DAP: variants seen among roughly 807,000 people sequenced by gnomAD.
DAP encodes the protein death associated protein.
In DAP, 8 loss-of-function variants were observed where a neutral mutation model predicts 13.8. That is an observed-to-expected ratio of 0.58 (90% CI 0.34 to 1.05). The LOEUF (loss-of-function observed/expected upper bound fraction) is 1.05, where lower values mean the gene tolerates loss of function less well. Among genes scored for constraint, DAP ranks in the 50% least tolerant of loss-of-function variants. The pLI is 0.03. For synonymous variants in DAP, 47 were observed against 47.5 expected (o/e 0.99, Z 0.04); for missense variants, 106 against 133.2 (o/e 0.80, Z 1.01).
Position 10,707,649 on chromosome 5 carries a change from G to A in DAP, c.153-24078C>T, listed in dbSNP as rs114757411. Among the ~76,000 whole-genome samples, 1,961 of 152,228 alleles carry A rather than the reference G, an allele frequency of 0.013. 43 individuals are homozygous for A. Among genetic ancestry groups the A allele is most frequent in the African/African-American group, 0.044 (1,818 of 41,518 alleles). ...GTGATGTACAGGTGGTGTGATGCAC[G>A]GGTGGTGTGATTTGCGATCAGTGTG... On this transcript the variant is annotated intron_variant, in intron 2 of 3. Transcript: ENST00000230895. This position sits in a 1 kb window ranked among gnomAD's most constrained non-coding sequence, Gnocchi z 4.0.
intron 2 of DAP, among the ~76,000 whole-genome samples, chr5:10,687,507 TCACTGGAGGAAC>T (rs1738185484): frequency 2.0e-5 from 3 of 151,812 alleles, no homozygotes; most frequent in African/African-American, 7.3e-5. Flanking sequence ...GTTCAAGACT[TCACTGGAGGAAC>T]TAACTGCAGA....
chr5:10,687,088 C>G (rs115565596), intron 2 of DAP, among the ~76,000 whole-genome samples: 1 of 152,162 alleles, frequency 6.6e-6, no homozygotes, highest in Non-Finnish European at 1.5e-5. Flanking sequence ...GCCTGGATGA[C>G]GGCACATTGG....
At position 10,699,486 on chromosome 5, in the gene DAP, T is replaced by A. The variant is rs139474671; in HGVS notation, c.153-15915A>T. 2.6e-4 allele frequency among the ~76,000 whole-genome samples: 39 copies of A among 152,304 alleles called. 1 individual carries two copies. The highest frequency in any genetic ancestry group is 8.4e-4 in the African/African-American group (35 of 41,572). On this transcript the variant is annotated intron_variant, in intron 2 of 3. Transcript: ENST00000230895. Reference sequence around the variant, plus strand: ...GCAAGAGGCCAACAGGCCACACCTGTGAGGTTTACCAGAAGCTAATGCGAA... The same window carrying A: ...GCAAGAGGCCAACAGGCCACACCTGAGAGGTTTACCAGAAGCTAATGCGAA...
intron 2 of DAP, among the ~76,000 whole-genome samples, chr5:10,687,561 G>C (rs1243947252): frequency 6.6e-6 from 1 of 152,202 alleles, no homozygotes; most frequent in Admixed American, 6.5e-5. Flanking sequence ...ACTAGGATTA[G>C]AAGTGGAGCC....
intron 1 of DAP, among the ~76,000 whole-genome samples, chr5:10,758,459 A>G (rs1277580877): frequency 6.6e-6 from 1 of 151,150 alleles, no homozygotes; most frequent in Non-Finnish European, 1.5e-5. Context: ...GGGTGCTGCT[A>G]TTGGGCCCCT....
intron 2 of DAP, among the ~76,000 whole-genome samples, chr5:10,736,395 C>T (rs965082499): frequency 1.3e-5 from 2 of 152,154 alleles, no homozygotes; most frequent in Non-Finnish European, 2.9e-5. Flanking sequence ...AATGGCAGAT[C>T]TCGAAGCTGC....
At chr5:10,703,443 T>C (rs1423404943) in intron 2 of DAP, among the ~76,000 whole-genome samples, 1 of 152,186 alleles carries the variant, frequency 6.6e-6, no homozygotes, top group African/African-American at 2.4e-5. Context: ...GGCAGGTCTT[T>C]GCTGCGCATC....
At chr5:10,735,600 T>C (rs1739588703) in intron 2 of DAP, among the ~76,000 whole-genome samples, 1 of 152,230 alleles carries the variant, frequency 6.6e-6, no homozygotes, top group Admixed American at 6.5e-5. Context: ...ATGCTGGGGA[T>C]GCATGCAGAA....
intron 2 of DAP, among the ~76,000 whole-genome samples, chr5:10,690,780 T>C (rs1046621542): frequency 1.3e-5 from 2 of 152,210 alleles, no homozygotes; most frequent in African/African-American, 4.8e-5. Context: ...CTACTTTCAA[T>C]TATTTTGTGT....
Position 10,707,688 on chromosome 5 carries a change from G to A in DAP, c.153-24117C>T, listed in dbSNP as rs541215082. Among the ~76,000 whole-genome samples, 2 of 152,242 alleles carry A rather than the reference G, an allele frequency of 1.3e-5. No homozygotes were observed. Among genetic ancestry groups the A allele is most frequent in the African/African-American group, 4.8e-5 (2 of 41,528 alleles). On this transcript the variant is annotated intron_variant, in intron 2 of 3. Transcript: ENST00000230895. This position sits in a 1 kb window ranked among gnomAD's most constrained non-coding sequence, Gnocchi z 4.0. ...GCGATCAGTGTGGTGCACAGGCGGC[G>A]TGATGTACAGGTGGTGTGATGCATG...
chr5:10,731,749 C>T (rs1007638901), intron 2 of DAP, among the ~76,000 whole-genome samples: 1 of 152,172 alleles, frequency 6.6e-6, no homozygotes, highest in Non-Finnish European at 1.5e-5. Flanking sequence ...GGGCTTCTGG[C>T]GAAGCTTTAC....
At chr5:10,734,971 G>A (rs1377289682) in intron 2 of DAP, among the ~76,000 whole-genome samples, 10 of 152,140 alleles carry the variant, frequency 6.6e-5, no homozygotes, top group Admixed American at 5.9e-4. Context: ...CAGGGAAGCC[G>A]TGGGGCCGCC....
intron 2 of DAP, among the ~76,000 whole-genome samples, chr5:10,718,729 T>A (rs1397462037): frequency 1.3e-5 from 2 of 152,244 alleles, no homozygotes; most frequent in African/African-American, 4.8e-5. Flanking sequence ...TCCTGGTACC[T>A]GGTATGCAGC....
Position 10,683,581 on chromosome 5 carries a change from A to AC in DAP, c.153-11_153-10insG. On this transcript the variant is annotated splice_polypyrimidine_tract_variant and intron_variant, in intron 2 of 3. Transcript: ENST00000230895. Reference sequence around the variant, plus strand: ...AGTGGGTTTAGGTGGACTGGAAAAAAAGAAGGGAAAAGGCAGATTTAACAA... The same window carrying AC: ...AGTGGGTTTAGGTGGACTGGAAAAAACAGAAGGGAAAAGGCAGATTTAACAA... 6.2e-7 allele frequency: 1 copy of AC among 1,613,698 alleles called. No homozygotes were observed. Among genetic ancestry groups the AC allele is most frequent in the Non-Finnish European group, 8.5e-7 (1 of 1,179,676 alleles).
At chr5:10,757,747 T>C (rs1740226206) in intron 1 of DAP, among the ~76,000 whole-genome samples, 1 of 152,178 alleles carries the variant, frequency 6.6e-6, no homozygotes, top group Non-Finnish European at 1.5e-5. Flanking sequence ...GAGGACCACC[T>C]GCATCCCTGC....
intron 1 of DAP, among the ~76,000 whole-genome samples, chr5:10,757,178 C>A (rs571780589): frequency 6.6e-6 from 1 of 152,208 alleles, no homozygotes; most frequent in Non-Finnish European, 1.5e-5. Context: ...AGTCGTCTGT[C>A]GGGCTGCTGA....
At chr5:10,734,644 T>C (rs1320874296) in intron 2 of DAP, among the ~76,000 whole-genome samples, 1 of 152,204 alleles carries the variant, frequency 6.6e-6, no homozygotes, top group African/African-American at 2.4e-5. Flanking sequence ...GCAAAACTCC[T>C]TAAAATACTC....
At chr5:10,759,742 ATCTTT>A (rs1291606046) in intron 1 of DAP, among the ~76,000 whole-genome samples, 1 of 97,080 alleles carries the variant, frequency 1.0e-5, no homozygotes, top group African/African-American at 3.5e-5. Context: ...GATAATGGGA[ATCTTT>A]TTTTTTTTTT....
chr5:10,712,451 C>G (rs1194476765), intron 2 of DAP, among the ~76,000 whole-genome samples: 1 of 152,074 alleles, frequency 6.6e-6, no homozygotes, highest in Non-Finnish European at 1.5e-5. Flanking sequence ...GAAGGACCGG[C>G]ACAATTCAGG....
Sources: gnomAD v4.1 joint callset for allele counts (sites outside exome capture counted in the v4.1 genomes callset) on GRCh38, gnomAD v4.1.1 for gene constraint, Gnocchi (gnomAD v3.1) non-coding constraint, MANE v1.5 for transcripts, NCBI Gene and HGNC (gene_info 2026-07-23, HGNC 2026-07-21) for gene names.